ARMH3: variants seen among roughly 807,000 people sequenced by gnomAD.
ARMH3 encodes armadillo like helical domain containing 3.
Under a neutral mutation model 99.1 loss-of-function variants are expected in ARMH3, and 60 were observed. The observed-to-expected ratio is 0.61, with a 90% CI of 0.49 to 0.75. The LOEUF is 0.75. ARMH3 is among the 30% of genes least tolerant of loss of function. The pLI, the probability that ARMH3 is intolerant of heterozygous loss-of-function variation, is 0.00. For synonymous variants in ARMH3, 285 were observed against 292.8 expected, an observed-to-expected ratio of 0.97 and a Z score of 0.27; for missense variants, 679 against 843.1, an observed-to-expected ratio of 0.81 and a Z score of 2.41.
chr10:102,046,336 G>A (rs1208040495), intron 1 of ARMH3, among the ~76,000 whole-genome samples: 1 of 148,292 alleles, frequency 6.7e-6, no homozygotes, highest in East Asian at 2.0e-4. Context: ...AGAGAAAAGA[G>A]AAAAAGAAAA....
chr10:101,930,938 T>C (rs1418558890), intron 23 of ARMH3, among the ~76,000 whole-genome samples: 4 of 152,232 alleles, frequency 2.6e-5, no homozygotes, highest in African/African-American at 7.2e-5. Flanking sequence ...CATAGGTCCA[T>C]TGTTATCCTC....
chr10:102,024,054 A>G (rs185587188), intron 6 of ARMH3, among the ~76,000 whole-genome samples: 8 of 152,334 alleles, frequency 5.3e-5, no homozygotes, highest in Admixed American at 2.0e-4. Context: ...GAGGTTTATG[A>G]ATGCAGAAGT....
intron 24 of ARMH3, among the ~76,000 whole-genome samples, chr10:101,865,509 G>C (rs529298362): frequency 3.2e-4 from 49 of 151,644 alleles, no homozygotes; most frequent in Non-Finnish European, 6.8e-4. Flanking sequence ...TCTTTTTTGA[G>C]ACAGAGTCTC....
At chr10:101,947,817 A>AAATG (rs1844613041) in intron 22 of ARMH3, among the ~76,000 whole-genome samples, 1 of 151,304 alleles carries the variant, frequency 6.6e-6, no homozygotes, top group African/African-American at 2.4e-5. Context: ...ATAAATAAAT[A>AAATG]AATAAATAAA....
At chr10:101,865,002 G>A (rs1231094364) in intron 24 of ARMH3, among the ~76,000 whole-genome samples, 2 of 151,722 alleles carry the variant, frequency 1.3e-5, no homozygotes, top group African/African-American at 4.8e-5. Flanking sequence ...AGATCACAAG[G>A]TCAGAAGATC....
chr10:101,961,273 C>T (rs1564796979), intron 20 of ARMH3, among the ~76,000 whole-genome samples: 1 of 151,946 alleles, frequency 6.6e-6, no homozygotes, highest in Non-Finnish European at 1.5e-5. Context: ...TCAGCTCTCA[C>T]CTCCACCTCT....
intron 24 of ARMH3, among the ~76,000 whole-genome samples, chr10:101,864,660 G>T (rs1039816012): frequency 6.6e-6 from 1 of 152,064 alleles, no homozygotes; most frequent in South Asian, 2.1e-4. Flanking sequence ...ACCAAACACC[G>T]CATGTTCTCA....
intron 5 of ARMH3, among the ~76,000 whole-genome samples, chr10:102,025,813 G>GT (rs889504337): frequency 1.3e-4 from 19 of 151,128 alleles, no homozygotes; most frequent in African/African-American, 3.4e-4. Flanking sequence ...CCACACCCAG[G>GT]TTTTTTTTTC....
At chr10:101,926,726 C>G (rs1273279491) in intron 23 of ARMH3, among the ~76,000 whole-genome samples, 1 of 152,186 alleles carries the variant, frequency 6.6e-6, no homozygotes, top group Admixed American at 6.5e-5. Context: ...TCAATGGCTA[C>G]ATTTCCTAGG....
At chr10:101,987,845 C>A (rs182593661) in intron 19 of ARMH3, among the ~76,000 whole-genome samples, 3 of 152,268 alleles carry the variant, frequency 2.0e-5, no homozygotes, top group African/African-American at 7.2e-5. Flanking sequence ...CAGATACTTG[C>A]TGCCCCAACT....
intron 24 of ARMH3, among the ~76,000 whole-genome samples, chr10:101,858,222 A>G (rs2066779290): frequency 6.6e-6 from 1 of 152,250 alleles, no homozygotes; most frequent in African/African-American, 2.4e-5. Flanking sequence ...CTGGGTGCTG[A>G]AAAGTTCCAA....
chr10:102,024,537 T>C (rs1278243430), intron 6 of ARMH3, among the ~76,000 whole-genome samples: 1 of 151,450 alleles, frequency 6.6e-6, no homozygotes, highest in East Asian at 2.0e-4. Flanking sequence ...CCCAGCACTT[T>C]GGGAGGCCAA....
At chr10:102,055,458 T>C (rs1360932796) in intron 1 of ARMH3, among the ~76,000 whole-genome samples, 1 of 152,148 alleles carries the variant, frequency 6.6e-6, no homozygotes, top group African/African-American at 2.4e-5. Flanking sequence ...CTTCTCCTTC[T>C]CCAGGGGACC....
intron 20 of ARMH3, among the ~76,000 whole-genome samples, chr10:101,960,075 G>A (rs1360037900): frequency 2.0e-5 from 3 of 152,160 alleles, no homozygotes; most frequent in African/African-American, 7.2e-5. Flanking sequence ...CTACTCGAGA[G>A]GCTGAGGCAG....
chr10:102,002,093 T>C, intron 14 of ARMH3, 21 bp from the exon 15 acceptor site: 1 of 1,612,748 alleles, frequency 6.2e-7, no homozygotes, highest in Non-Finnish European at 8.5e-7. Context: ...ACAGATAAAA[T>C]GCACTTAGCC....
chr10:101,953,339 T>G (rs899684305), intron 22 of ARMH3, among the ~76,000 whole-genome samples: 1 of 152,096 alleles, frequency 6.6e-6, no homozygotes, highest in African/African-American at 2.4e-5. Flanking sequence ...CCATGTTGGC[T>G]GGTCTCGAAC....
intron 1 of ARMH3, among the ~76,000 whole-genome samples, chr10:102,054,504 G>T (rs1008533473): frequency 6.6e-6 from 1 of 151,984 alleles, no homozygotes; most frequent in African/African-American, 2.4e-5. Context: ...GTCGTAACAA[G>T]AGGGATCCCT....
intron 24 of ARMH3, among the ~76,000 whole-genome samples, chr10:101,852,783 A>G (rs1372718229): frequency 6.6e-6 from 1 of 151,660 alleles, no homozygotes; most frequent in African/African-American, 2.4e-5. Flanking sequence ...AAAAGAAAAG[A>G]AAAAAATCCA....
At chr10:101,955,702 A>T (rs1286622541) in intron 22 of ARMH3, among the ~76,000 whole-genome samples, 1 of 152,188 alleles carries the variant, frequency 6.6e-6, no homozygotes, top group Non-Finnish European at 1.5e-5. Context: ...ATCTACAGTG[A>T]CAGAGGCAAA....
Sources: allele counts gnomAD v4.1 joint callset (sites outside exome capture counted in the v4.1 genomes callset), GRCh38; gene constraint gnomAD v4.1.1; transcripts MANE v1.5; gene names NCBI Gene and HGNC (gene_info 2026-07-23, HGNC 2026-07-21).